The following NECAB2 variants were observed in gnomAD, a reference collection of about 807,000 sequenced individuals.
NECAB2 encodes the protein N-terminal EF-hand calcium binding protein 2.
Under a neutral mutation model 51.9 loss-of-function variants are expected in NECAB2, and 68 were observed. The observed-to-expected ratio is 1.31, with a 90% confidence interval of 1.08 to 1.60. NECAB2 has a LOEUF of 1.60. NECAB2 is among the 40% of genes most tolerant of loss of function. NECAB2 has a pLI of 0.00. For synonymous variants in NECAB2, 329 were observed against 203.5 expected (o/e 1.62, Z -5.25); for missense variants, 854 against 490.3 (o/e 1.74, Z -7.00).
intron 10 of NECAB2, among the ~76,000 whole-genome samples, chr16:83,999,270 G>C (rs969524487): frequency 1.1e-4 from 13 of 120,844 alleles, no homozygotes; most frequent in East Asian, 4.9e-4. Context: ...AGCCAGGATG[G>C]GGGGGCAGGA....
intron 5 of NECAB2, among the ~76,000 whole-genome samples, chr16:83,989,914 C>G (rs1246290418): frequency 2.0e-5 from 3 of 152,188 alleles, no homozygotes; most frequent in African/African-American, 7.2e-5. Context: ...TTACTAAGCC[C>G]CGGGCACTTT....
In NECAB2 at chr16:83,974,088, C is replaced by T. The variant is rs146388629; in HGVS notation, c.226+1913C>T. ...CTCAGTTTCCTTACTGCAGCCTCCT[C>T]AAAGGCCGAGCCTGTTCCTTCTCCT... On this transcript the variant is annotated intron_variant, in intron 2 of 12. Coordinates refer to ENST00000305202, the MANE Select transcript of NECAB2 (RefSeq NM_019065.3). Among the ~76,000 whole-genome samples the T allele has an allele frequency of 1.6e-4, 25 of 152,140 alleles. No homozygotes were observed. The East Asian group carries it at 4.3e-3, about 26-fold the overall frequency.
At position 83,998,162 on chromosome 16, in the gene NECAB2, G is replaced by A. The variant is rs1346437770; in HGVS notation, c.850-43G>A. ...GCCTGATGGGGTGTTTAGGGAGAAG[G>A]CCTGACGTGGAGCCCCACACTGACT... On this transcript the variant is annotated intron_variant, in intron 9 of 12. Coordinates refer to ENST00000305202, the MANE Select transcript of NECAB2 (RefSeq NM_019065.3). 3.2e-6 allele frequency: 5 copies of A among 1,577,200 alleles called. 1 individual carries two copies. The highest frequency in any genetic ancestry group is 1.1e-5 in the South Asian group (1 of 89,346).
chr16:84,000,616 A>C, intron 10 of NECAB2, 108 bp from the exon 11 acceptor site: 1 of 778,304 alleles, frequency 1.3e-6, no homozygotes, highest in Non-Finnish European at 2.1e-6. Context: ...GAAACATTGA[A>C]GGCAGCCGTT....
intron 8 of NECAB2, among the ~76,000 whole-genome samples, chr16:83,995,756 G>A (rs113999476): frequency 6.6e-6 from 1 of 152,154 alleles, no homozygotes; most frequent in African/African-American, 2.4e-5. Context: ...GGGAGACAGA[G>A]GCTGACGTGG....
intron 5 of NECAB2, among the ~76,000 whole-genome samples, chr16:83,985,287 T>C (rs1209780245): frequency 1.8e-5 from 2 of 109,078 alleles, no homozygotes; most frequent in Non-Finnish European, 3.5e-5. Context: ...CACTCCAGCC[T>C]GGACAACAAG....
intron 5 of NECAB2, among the ~76,000 whole-genome samples, 197 bp from the exon 6 acceptor site, chr16:83,990,285 AGGGTTCAAATTT>A (rs931190524): frequency 5.9e-5 from 9 of 152,336 alleles, no homozygotes; most frequent in African/African-American, 2.2e-4. Context: ...TGGTGAAGCC[AGGGTTCAAATTT>A]GGTCTCTAAA....
chr16:83,965,183 G>A (rs949617179), upstream of NECAB2: 2 of 1,613,226 alleles, frequency 1.2e-6, no homozygotes, highest in Non-Finnish European at 1.7e-6. Flanking sequence ...CGTGGAGTGG[G>A]GGACCCCCGA....
At chr16:83,990,687 C>T (rs2084612619) in intron 6 of NECAB2, 57 bp downstream of exon 6, 7 of 1,590,592 alleles carry the variant, frequency 4.4e-6, no homozygotes, top group South Asian at 1.1e-5. Flanking sequence ...CGCGCACGTG[C>T]CCACCTGCTG....
rs185809244 is a variant in NECAB2 at position 83,993,810 on chromosome 16, C to T, written c.597-492C>T. Among the ~76,000 whole-genome samples the T allele has an allele frequency of 5.7e-3, 868 of 152,212 alleles. 4 individuals carry two copies. Among genetic ancestry groups the T allele is most frequent in the Middle Eastern group, 0.014 (4 of 294 alleles). On this transcript the variant is annotated intron_variant, in intron 6 of 12. Transcript: ENST00000305202. Reference sequence around the variant, plus strand: ...GATCACAGTTTCTGTCCTGTTACATCCCGACTGTCAGTGTCTCTTTAGGTC... The same window carrying T: ...GATCACAGTTTCTGTCCTGTTACATTCCGACTGTCAGTGTCTCTTTAGGTC...
At chr16:83,995,541 C>G (rs1388268882) in intron 8 of NECAB2, among the ~76,000 whole-genome samples, 1 of 152,142 alleles carries the variant, frequency 6.6e-6, no homozygotes, top group African/African-American at 2.4e-5. Flanking sequence ...TTCTGTTACC[C>G]AAACCTATCC....
chr16:83,966,528 TAG>T (rs1385392839), upstream of NECAB2, among the ~76,000 whole-genome samples: 2 of 152,004 alleles, frequency 1.3e-5, no homozygotes, highest in African/African-American at 4.8e-5. Context: ...GCAGCTGTAC[TAG>T]AGTCTGGGGG....
At chr16:83,984,312 A>C (rs751503125) in intron 5 of NECAB2, among the ~76,000 whole-genome samples, 1 of 151,950 alleles carries the variant, frequency 6.6e-6, no homozygotes, top group Non-Finnish European at 1.5e-5. Context: ...TTTAAACAAA[A>C]CTGCCCTGGG....
At position 84,001,806 on chromosome 16, in the gene NECAB2, A is replaced by ACATGTCCCTG; in HGVS notation, c.1041-17_1041-8dup. The ACATGTCCCTG allele has an allele frequency of 6.2e-7, 1 of 1,613,510 alleles. No individual in the cohort carries two copies. The highest frequency in any genetic ancestry group is 8.5e-7 in the Non-Finnish European group (1 of 1,179,584). ...TCCACTCCTGCCACCCCTGACTCAC[A>ACATGTCCCTG]CATGTCCCTGCGTCACAGGCACCTG... On this transcript the variant is annotated intron_variant, in intron 11 of 12. Coordinates refer to ENST00000305202, the MANE Select transcript of NECAB2 (RefSeq NM_019065.3).
intron 3 of NECAB2, 62 bp from the exon 4 acceptor site, chr16:83,980,777 G>C: frequency 2.0e-6 from 3 of 1,538,064 alleles, no homozygotes; most frequent in Non-Finnish European, 2.6e-6. Flanking sequence ...AGGCTGTGCA[G>C]GGTCAGGCCT....
At chr16:83,966,064 C>T, upstream of NECAB2, 1 of 1,333,636 alleles carries the variant, frequency 7.5e-7, no homozygotes, top group Non-Finnish European at 1.0e-6. Context: ...GACCACATCC[C>T]TGCTGGATGC....
intron 2 of NECAB2, among the ~76,000 whole-genome samples, chr16:83,974,218 C>G (rs1460120879): frequency 6.6e-6 from 1 of 152,148 alleles, no homozygotes; most frequent in Admixed American, 6.5e-5. Flanking sequence ...CCCAGGTCCC[C>G]CAGCCTGACT....
At chr16:83,997,899 C>T (rs950704326) in intron 9 of NECAB2, among the ~76,000 whole-genome samples, 5 of 152,118 alleles carry the variant, frequency 3.3e-5, no homozygotes, top group African/African-American at 1.2e-4. Context: ...TTTTTCTTGT[C>T]AGTGGATGTG....
At position 84,002,469 on chromosome 16, in the gene NECAB2, G is replaced by T. The variant is rs1479472519; in HGVS notation, c.*123G>T. ...TTTTCAATCCATCCTCCACAAGAAG[G>T]TGTTTCCCTGTTGTTAAGTGAAGGA... On this transcript the variant is annotated 3_prime_UTR_variant, in exon 13 of 13. Transcript: ENST00000305202. 1.5e-5 allele frequency: 20 copies of T among 1,328,082 alleles called. No individual in the cohort carries two copies. The East Asian group carries it at 4.4e-4, about 29-fold the overall frequency. The allele number at this position is 1,328,082 out of a possible 1,614,324, so 82.3% of individuals were successfully genotyped here.
Sources: allele counts gnomAD v4.1 joint callset (sites outside exome capture counted in the v4.1 genomes callset), GRCh38; gene constraint gnomAD v4.1.1; transcripts MANE v1.5; gene names NCBI Gene and HGNC (gene_info 2026-07-23, HGNC 2026-07-21).